SIRPG: variants seen among roughly 807,000 people sequenced by gnomAD.
The protein encoded by SIRPG is signal-regulatory protein gamma.
SIRPG carries 38 observed loss-of-function variants against 35.7 expected under a neutral mutation model. That is an observed-to-expected ratio of 1.06 (90% confidence interval 0.82 to 1.40). SIRPG has a LOEUF of 1.40. Among genes scored for constraint, SIRPG ranks in the 40% most tolerant of loss-of-function variants. The pLI is 0.00. For synonymous variants in SIRPG, 215 were observed against 190.4 expected (o/e 1.13, Z -1.06); for missense variants, 519 against 483.0 (o/e 1.07, Z -0.70).
the SIRPG span, among the ~76,000 whole-genome samples, chr20:1,668,342 G>T: frequency 2.0e-5 from 3 of 150,586 alleles, no homozygotes; most frequent in African/African-American, 2.5e-5. Context: ...GAGTGCAGTG[G>T]CATGATCTCG....
rs1489943874 is a variant in SIRPG, at chr20:1,629,520, T to C, written c.*119A>G. On this transcript the variant is annotated 3_prime_UTR_variant, in exon 6 of 6. Transcript: ENST00000303415. ...GGCAGATGTCTTGGGAGGGGAGATG[T>C]TTGGAGCCAAGTCTAGAGAAGCTTC... The C allele has an allele frequency of 1.3e-5, 2 of 152,226 alleles. No individual in the cohort carries two copies. Among genetic ancestry groups the C allele is most frequent in the African/African-American group, 4.8e-5 (2 of 41,376 alleles). 9.4% of individuals were successfully genotyped at this position (152,226 alleles called of 1,614,324 possible). A position where few individuals can be genotyped will look rare whatever the true frequency, so the allele number is the denominator to read the frequency against.
chr20:1,651,973 T>C (rs1054580753), intron 1 of SIRPG, among the ~76,000 whole-genome samples: 16 of 152,208 alleles, frequency 1.1e-4, no homozygotes, highest in Admixed American at 5.9e-4. Flanking sequence ...CAATGTATTC[T>C]ACATTTACAA....
rs780208812 is a variant in SIRPG at position 1,635,372 on chromosome 20, C to A, written c.976G>T (p.Val326Phe). ...VNISDQRDDV[V>F]LTCQVKHDGQ... ...TCATGCTTCACCTGGCAGGTGAGGA[C>A]CACATCATCCCTTTGGTCAGATATG... is the stretch of plus-strand genomic sequence containing the variant. The change falls in exon 4 of 6, where the codon GTC becomes TTC. Residue 326 changes from valine to phenylalanine, a missense_variant. By Grantham distance (50) the Val-to-Phe change is conservative. Coordinates refer to ENST00000303415, the MANE Select transcript of SIRPG (RefSeq NM_018556.4). 2 of 1,614,114 alleles carry A rather than the reference C, an allele frequency of 1.2e-6. No individual in the cohort carries two copies. Among genetic ancestry groups the A allele is most frequent in the Non-Finnish European group, 1.7e-6 (2 of 1,180,018 alleles).
intron 4 of SIRPG, among the ~76,000 whole-genome samples, chr20:1,634,886 A>G (rs1023183184): frequency 2.0e-4 from 31 of 151,776 alleles, no homozygotes; most frequent in Middle Eastern, 3.4e-3. Flanking sequence ...TACTAAAAAT[A>G]CAAAAAATTA....
intron 2 of SIRPG, among the ~76,000 whole-genome samples, chr20:1,645,760 G>T (rs1423751039): frequency 6.6e-6 from 1 of 152,126 alleles, no homozygotes; most frequent in Non-Finnish European, 1.5e-5. Flanking sequence ...TTGAGTTCTT[G>T]CCCATGCTCT....
the SIRPG span, among the ~76,000 whole-genome samples, chr20:1,685,993 G>T: frequency 2.6e-5 from 4 of 152,244 alleles, no homozygotes; most frequent in Admixed American, 2.6e-4. Flanking sequence ...GCAGCAGAAG[G>T]GTTCCCAAAA....
chr20:1,677,309 A>G, the SIRPG span, among the ~76,000 whole-genome samples: 2 of 152,158 alleles, frequency 1.3e-5, no homozygotes, highest in Non-Finnish European at 2.9e-5. Context: ...GAGTATTGCA[A>G]TTTCTGGACC....
chr20:1,649,079 C>G lies in SIRPG; in HGVS notation c.403G>C (p.Gly135Arg), dbSNP rs1436050511. 1.2e-6 allele frequency: 2 copies of G among 1,613,776 alleles called. No individual in the cohort carries two copies. The highest frequency in any genetic ancestry group is 1.3e-5 in the African/African-American group (1 of 74,900). The change falls in exon 2 of 6, where the codon GGA becomes CGA. Residue 135 changes from glycine (G) to arginine (R), a missense_variant. Coordinates refer to ENST00000303415, the MANE Select transcript of SIRPG (RefSeq NM_018556.4). The part of the protein sequence containing the change: ...GSPENVEFKS[G>R]PGTEMALGAK... ...CCCAAAGCCATCTCAGTGCCTGGTC[C>G]AGACTTAAACTCCACGTTCTCAGGG...
At chr20:1,636,162 T>C in intron 3 of SIRPG, 26 bp downstream of exon 3, 1 of 1,602,352 alleles carries the variant, frequency 6.2e-7, no homozygotes, top group Non-Finnish European at 8.5e-7. Flanking sequence ...AGGTGTGGGC[T>C]TGGGCTGGGT....
chr20:1,656,479 A>G (rs945899837), intron 1 of SIRPG, among the ~76,000 whole-genome samples: 7 of 152,084 alleles, frequency 4.6e-5, no homozygotes, highest in African/African-American at 1.4e-4. Context: ...GTGTATGTGT[A>G]AAAAAAATAA....
At chr20:1,673,620 C>A in the SIRPG span, among the ~76,000 whole-genome samples, 1 of 151,794 alleles carries the variant, frequency 6.6e-6, no homozygotes, top group Non-Finnish European at 1.5e-5. Flanking sequence ...ATGACAAACC[C>A]AAATGACAAA....
chr20:1,664,067 AAG>A, the SIRPG span, among the ~76,000 whole-genome samples: 1 of 151,878 alleles, frequency 6.6e-6, no homozygotes, highest in Non-Finnish European at 1.5e-5. Flanking sequence ...GAGAGGAAGG[AAG>A]AGAGAGAGAG....
the SIRPG span, among the ~76,000 whole-genome samples, chr20:1,663,231 T>C: frequency 6.6e-6 from 1 of 152,216 alleles, no homozygotes; most frequent in Non-Finnish European, 1.5e-5. Flanking sequence ...GAGAATGGCG[T>C]GAACCTGGGA....
chr20:1,659,692 A>C (rs1235054229), upstream of SIRPG, among the ~76,000 whole-genome samples: 2 of 152,250 alleles, frequency 1.3e-5, no homozygotes, highest in Non-Finnish European at 2.9e-5. Context: ...TTAGAACTGG[A>C]ACATAGGCTG....
the SIRPG span, among the ~76,000 whole-genome samples, chr20:1,681,133 T>C: frequency 6.6e-6 from 1 of 151,850 alleles, no homozygotes; most frequent in African/African-American, 2.4e-5. Context: ...AAATTTCCCA[T>C]GTAGATGAGT....
rs1308583225 is a variant in SIRPG at position 1,636,348 on chromosome 20, C to T, written c.588G>A (p.Val196=). 1.2e-6 allele frequency: 2 copies of T among 1,614,240 alleles called. No individual in the cohort carries two copies. The highest frequency in any genetic ancestry group is 3.3e-5 in the Admixed American group (2 of 60,036). The stretch of plus-strand genomic sequence containing the variant: ...AGGCCACACTCTGTCCTGTGGGGTC[C>T]ACGTTGGTCTGGAAGTCTGAGAGCT... ...GNELSDFQTN[V]DPTGQSVAYS... The change falls in exon 3 of 6, where the codon GTG becomes GTA. Residue 196 remains valine, a synonymous_variant. Coordinates refer to ENST00000303415, the MANE Select transcript of SIRPG (RefSeq NM_018556.4).
At chr20:1,671,714 TTAAC>T in the SIRPG span, among the ~76,000 whole-genome samples, 1 of 152,214 alleles carries the variant, frequency 6.6e-6, no homozygotes. Flanking sequence ...AGATTATAGA[TTAAC>T]TAAAAGTATT....
At chr20:1,646,035 G>A (rs1328004535) in intron 2 of SIRPG, 1 of 152,216 alleles carries the variant, frequency 6.6e-6, no homozygotes, top group Non-Finnish European at 1.5e-5. Context: ...TTCTCTTAAA[G>A]GAGTTCATGA....
At chr20:1,674,031 T>C in the SIRPG span, among the ~76,000 whole-genome samples, 1 of 152,176 alleles carries the variant, frequency 6.6e-6, no homozygotes, top group Non-Finnish European at 1.5e-5. Context: ...CTCTGGCCCA[T>C]GTTATTCTGA....
Sources: allele counts gnomAD v4.1 joint callset (sites outside exome capture counted in the v4.1 genomes callset), GRCh38; gene constraint gnomAD v4.1.1; transcripts MANE v1.5; gene names NCBI Gene and HGNC (gene_info 2026-07-23, HGNC 2026-07-21).